GRID1: variants seen among roughly 807,000 people sequenced by gnomAD.
The protein encoded by GRID1 is glutamate receptor ionotropic, delta-1.
In GRID1, 28 loss-of-function variants were observed where a neutral mutation model predicts 98.0. The ratio of observed to expected loss-of-function variants is 0.29; its 90% confidence interval spans 0.21 to 0.39. GRID1 has a LOEUF of 0.39. Ranked by LOEUF, GRID1 falls within the 10% of genes least tolerant of loss-of-function variation. GRID1 has a pLI of 1.00. For missense variants in GRID1, 1,111 were observed against 1,340.5 expected (o/e 0.83, Z 2.67); for synonymous variants, 553 against 538.5 (o/e 1.03, Z -0.37).
At chr10:85,615,801 G>C (rs1485714155) in intron 14 of GRID1, among the ~76,000 whole-genome samples, 1 of 152,216 alleles carries the variant, frequency 6.6e-6, no homozygotes, top group African/African-American at 2.4e-5. Context: ...GCTGGTAGGG[G>C]TGAGGAGGCT....
rs551923385 is a variant in GRID1 at position 86,360,145 on chromosome 10, C to G, written c.235+3796G>C. Among the ~76,000 whole-genome samples the G allele has an allele frequency of 4.3e-4, 65 of 151,972 alleles. 1 individual carries two copies. Among genetic ancestry groups the G allele is most frequent in the Non-Finnish European group, 8.2e-4 (56 of 68,030 alleles). On this transcript the variant is annotated intron_variant, in intron 2 of 15. Coordinates refer to ENST00000327946, the MANE Select transcript of GRID1 (RefSeq NM_017551.3). ...TTCAGGAATACTTGATTCTGCATAT[C>G]TCAGCATAAATAGTTCCCTTTTATA...
At chr10:85,776,148 A>G (rs935102543) in intron 8 of GRID1, among the ~76,000 whole-genome samples, 2 of 152,168 alleles carry the variant, frequency 1.3e-5, no homozygotes, top group East Asian at 3.9e-4. Flanking sequence ...CTTAACTACG[A>G]TGCCCTTGCC....
intron 5 of GRID1, among the ~76,000 whole-genome samples, chr10:85,915,163 G>C (rs573989108): frequency 1.1e-4 from 16 of 151,992 alleles, no homozygotes; most frequent in South Asian, 1.0e-3. Context: ...CTTTACATGG[G>C]TACACTTATC....
intron 3 of GRID1, among the ~76,000 whole-genome samples, chr10:86,199,763 C>T (rs1589407891): frequency 1.3e-5 from 2 of 152,270 alleles, no homozygotes; most frequent in East Asian, 3.9e-4. Context: ...TGTGGTTTGT[C>T]CTAACTCGGA....
chr10:86,014,432 T>C (rs1842956984), intron 4 of GRID1, among the ~76,000 whole-genome samples: 1 of 152,234 alleles, frequency 6.6e-6, no homozygotes, highest in South Asian at 2.1e-4. Flanking sequence ...GTCAAAAAGT[T>C]AAGGATATGC....
intron 4 of GRID1, among the ~76,000 whole-genome samples, chr10:85,948,513 G>A (rs1265061047): frequency 6.6e-6 from 1 of 152,184 alleles, no homozygotes; most frequent in African/African-American, 2.4e-5. Context: ...TAATAAGGAT[G>A]TGTAGATAAT....
At chr10:86,267,703 T>A (rs1207757960) in intron 2 of GRID1, among the ~76,000 whole-genome samples, 6 of 152,028 alleles carry the variant, frequency 3.9e-5, no homozygotes, top group African/African-American at 1.5e-4. Flanking sequence ...GGACATGACA[T>A]CCCACCCACA....
At chr10:86,095,516 A>T (rs1844208769) in intron 4 of GRID1, among the ~76,000 whole-genome samples, 1 of 152,180 alleles carries the variant, frequency 6.6e-6, no homozygotes, top group Admixed American at 6.5e-5. Context: ...TAAGAAAAAA[A>T]AATGAACAAT....
At chr10:86,350,239 C>G (rs568631274) in intron 2 of GRID1, among the ~76,000 whole-genome samples, 5 of 152,178 alleles carry the variant, frequency 3.3e-5, no homozygotes, top group Admixed American at 6.5e-5. Flanking sequence ...GGACTTGCAG[C>G]CCTGGCAAGG....
intron 4 of GRID1, among the ~76,000 whole-genome samples, chr10:86,025,571 C>T (rs1317391756): frequency 6.6e-6 from 1 of 152,192 alleles, no homozygotes; most frequent in East Asian, 1.9e-4. Flanking sequence ...CCAACCACAA[C>T]CCCAGAACAG....
At chr10:85,904,072 T>C (rs1841426020) in intron 5 of GRID1, among the ~76,000 whole-genome samples, 2 of 152,198 alleles carry the variant, frequency 1.3e-5, no homozygotes, top group Admixed American at 6.5e-5. Context: ...ATTATAAATG[T>C]AATAATTATC....
chr10:86,240,294 C>A (rs1846607393), intron 2 of GRID1, among the ~76,000 whole-genome samples: 1 of 152,146 alleles, frequency 6.6e-6, no homozygotes, highest in South Asian at 2.1e-4. Flanking sequence ...CCCTGGGCCT[C>A]CACACTTTCC....
At chr10:85,807,029 A>T (rs1842628723) in intron 8 of GRID1, among the ~76,000 whole-genome samples, 1 of 152,156 alleles carries the variant, frequency 6.6e-6, no homozygotes, top group South Asian at 2.1e-4. Context: ...AAGTAAAAAA[A>T]AAATCTTGGT....
chr10:86,185,567 T>C (rs1340531173), intron 3 of GRID1, among the ~76,000 whole-genome samples: 1 of 152,184 alleles, frequency 6.6e-6, no homozygotes, highest in Non-Finnish European at 1.5e-5. Flanking sequence ...GACAAGCATA[T>C]AGTCTTTCAC....
At chr10:85,768,492 CA>C (rs1371535005) in intron 8 of GRID1, among the ~76,000 whole-genome samples, 1 of 151,878 alleles carries the variant, frequency 6.6e-6, no homozygotes, top group Non-Finnish European at 1.5e-5. Context: ...ATGTCCAATG[CA>C]AAGGGTAATC....
intron 4 of GRID1, among the ~76,000 whole-genome samples, chr10:86,103,403 G>A (rs1043154780): frequency 1.1e-4 from 16 of 152,186 alleles, no homozygotes; most frequent in African/African-American, 3.9e-4. Context: ...CCTGTGATGA[G>A]GCCCGCAGTT....
intron 4 of GRID1, among the ~76,000 whole-genome samples, chr10:85,961,309 G>C (rs1334656995): frequency 6.6e-6 from 1 of 152,080 alleles, no homozygotes; most frequent in African/African-American, 2.4e-5. Flanking sequence ...AGGCACATTA[G>C]CTATGCCCAA....
chr10:86,244,898 T>C (rs916664678), intron 2 of GRID1, among the ~76,000 whole-genome samples: 1 of 152,226 alleles, frequency 6.6e-6, no homozygotes, highest in Non-Finnish European at 1.5e-5. Context: ...CTCAGTGCAT[T>C]GCTGCCAGAA....
chr10:85,768,774 A>G (rs928603373), intron 8 of GRID1, among the ~76,000 whole-genome samples: 3 of 152,272 alleles, frequency 2.0e-5, no homozygotes, highest in Non-Finnish European at 4.4e-5. Flanking sequence ...TGGAACCCCA[A>G]TGCATTGTTG....
Sources: gnomAD v4.1 joint callset for allele counts (sites outside exome capture counted in the v4.1 genomes callset) on GRCh38, gnomAD v4.1.1 for gene constraint, MANE v1.5 for transcripts, NCBI Gene and HGNC (gene_info 2026-07-23, HGNC 2026-07-21) for gene names.